Variants in SPATA13 observed in about 807,000 individuals in gnomAD.
The protein encoded by SPATA13 is spermatogenesis-associated protein 13.
In SPATA13, 50 loss-of-function variants were observed where a neutral mutation model predicts 104.0. That is an observed-to-expected ratio of 0.48 (90% confidence interval 0.38 to 0.61). The LOEUF (loss-of-function observed/expected upper bound fraction) is 0.61. SPATA13 is among the 20% of genes least tolerant of loss of function. The pLI is 0.00. For synonymous variants in SPATA13, 606 were observed against 667.5 expected, an observed-to-expected ratio of 0.91 and a Z score of 1.42; for missense variants, 1,524 against 1,690.6, an observed-to-expected ratio of 0.90 and a Z score of 1.73.
chr13:24,140,165 G>A (rs1431068668), intron 3 of SPATA13, among the ~76,000 whole-genome samples: 5 of 152,016 alleles, frequency 3.3e-5, no homozygotes, highest in Non-Finnish European at 7.4e-5. Flanking sequence ...GCCATAATAA[G>A]TTAAATCCAT....
chr13:24,130,565 G>A (rs1881362090), intron 3 of SPATA13, among the ~76,000 whole-genome samples: 1 of 152,204 alleles, frequency 6.6e-6, no homozygotes, highest in Admixed American at 6.5e-5. Context: ...ATGGGAACAA[G>A]GCGTTTATCA....
At chr13:24,251,399 C>A in intron 3 of SPATA13, 1 of 885,500 alleles carries the variant, frequency 1.1e-6, no homozygotes, top group Non-Finnish European at 1.4e-6. Flanking sequence ...ATCTGTGTGA[C>A]AACTCCACTG....
rs1882486496 is a variant in SPATA13, at chr13:24,161,405, A to G, written c.-112+473A>G. On this transcript the variant is annotated intron_variant, in intron 1 of 12. Coordinates refer to ENST00000382108, the MANE Select transcript of SPATA13 (RefSeq NM_001166271.3). The surrounding 1 kb of genome is among the most constrained non-coding windows in gnomAD (Gnocchi z 4.5). Reference sequence around the variant, plus strand: ...CGGGGACCCGGAGCGATGCGGTTGGAGAGCTTAGTTTAGAAAGCAAGTTTC... The same window carrying G: ...CGGGGACCCGGAGCGATGCGGTTGGGGAGCTTAGTTTAGAAAGCAAGTTTC... Among the ~76,000 whole-genome samples, 1 of 152,116 alleles carries G rather than the reference A, an allele frequency of 6.6e-6. No individual in the cohort carries two copies. The highest frequency in any genetic ancestry group is 1.5e-5 in the Non-Finnish European group (1 of 68,030).
intron 1 of SPATA13, among the ~76,000 whole-genome samples, chr13:24,199,460 A>G (rs573097224): frequency 5.9e-5 from 9 of 152,374 alleles, no homozygotes; most frequent in African/African-American, 2.2e-4. Flanking sequence ...GAAAAGCACT[A>G]TGATGTCTTC....
At chr13:24,039,464 G>C (rs939519335) in intron 3 of SPATA13, among the ~76,000 whole-genome samples, 1 of 152,236 alleles carries the variant, frequency 6.6e-6, no homozygotes, top group African/African-American at 2.4e-5. Context: ...AGAATGTGCA[G>C]AATCAGAATT....
intron 3 of SPATA13, among the ~76,000 whole-genome samples, chr13:24,082,633 A>G (rs1879563552): frequency 6.6e-6 from 1 of 151,336 alleles, no homozygotes; most frequent in Non-Finnish European, 1.5e-5. Context: ...ATCCTGGCTA[A>G]CAAGGTGAAA....
At chr13:24,284,420 G>A (rs1416925777) in intron 5 of SPATA13, 149 bp downstream of exon 5, 10 of 911,324 alleles carry the variant, frequency 1.1e-5, no homozygotes, top group Non-Finnish European at 1.6e-5. Flanking sequence ...ATTCACTTTG[G>A]AAGGCCAAGG....
At chr13:24,067,491 C>G (rs1031295373) in intron 3 of SPATA13, among the ~76,000 whole-genome samples, 3 of 152,094 alleles carry the variant, frequency 2.0e-5, no homozygotes, top group African/African-American at 7.2e-5. Context: ...TTGTATACAT[C>G]AAAAATACAA....
intron 1 of SPATA13, among the ~76,000 whole-genome samples, chr13:24,172,141 T>G (rs1403390774): frequency 1.3e-5 from 2 of 152,170 alleles, no homozygotes; most frequent in African/African-American, 4.8e-5. Context: ...CCACCCTGCC[T>G]TTCTCCCTGA....
Position 24,194,347 on chromosome 13 carries a change from C to T in SPATA13, c.-111-28472C>T, listed in dbSNP as rs190929633. ...GCCGTTCAATCATCCTGAGATTGCTCCTTTGCCTGGGACTTGCAAGAGTAG... is the reference window on the plus strand; with the variant it reads ...GCCGTTCAATCATCCTGAGATTGCTTCTTTGCCTGGGACTTGCAAGAGTAG... On this transcript the variant is annotated intron_variant, in intron 1 of 12. Transcript: ENST00000382108. Among the ~76,000 whole-genome samples the T allele has an allele frequency of 9.1e-4, 139 of 152,248 alleles. 1 individual carries two copies. Among genetic ancestry groups the T allele is most frequent in the Non-Finnish European group, 9.4e-4 (64 of 68,022 alleles).
chr13:24,256,196 G>GAGAATA (rs1873780162), intron 4 of SPATA13, among the ~76,000 whole-genome samples: 1 of 152,094 alleles, frequency 6.6e-6, no homozygotes, highest in African/African-American at 2.4e-5. Context: ...CTCCTCCCTG[G>GAGAATA]TCAAGTATTC....
At chr13:24,190,833 G>A (rs1008679027) in intron 1 of SPATA13, among the ~76,000 whole-genome samples, 1 of 152,182 alleles carries the variant, frequency 6.6e-6, no homozygotes, top group African/African-American at 2.4e-5. Context: ...GCAGTAGCAG[G>A]ATTTCAGAGG....
intron 1 of SPATA13, among the ~76,000 whole-genome samples, chr13:24,185,263 G>A (rs948632179): frequency 2.1e-4 from 32 of 152,132 alleles, no homozygotes; most frequent in African/African-American, 6.0e-4. Context: ...CACATGATAG[G>A]CACTCAGTGA....
intron 3 of SPATA13, among the ~76,000 whole-genome samples, chr13:24,065,730 A>T (rs778632275): frequency 6.6e-6 from 1 of 152,264 alleles, no homozygotes; most frequent in African/African-American, 2.4e-5. Context: ...TATTTATGAT[A>T]GTTTCATAGA....
chr13:24,107,190 A>G (rs769701034), intron 3 of SPATA13, among the ~76,000 whole-genome samples: 7 of 138,696 alleles, frequency 5.0e-5, no homozygotes, highest in Non-Finnish European at 9.3e-5. Context: ...GAAATGCAAG[A>G]TGATCACACA....
At chr13:24,270,537 GA>G in intron 4 of SPATA13, 1 of 408,816 alleles carries the variant, frequency 2.4e-6, no homozygotes, top group Admixed American at 3.8e-5. Flanking sequence ...TACCTTCACT[GA>G]AGGCTCTCGG....
At chr13:24,165,360 A>C (rs1407133166) in intron 1 of SPATA13, among the ~76,000 whole-genome samples, 4 of 152,178 alleles carry the variant, frequency 2.6e-5, no homozygotes, top group Admixed American at 6.5e-5. Context: ...TGTCCAATCC[A>C]GGAGAGGGGA....
rs545446617 is a variant in SPATA13, at chr13:24,245,829, T to A, written c.1654-3648T>A. ...GTCTTGAATTCCTGGGCTCAAGCAA[T>A]CCTCCTGCCTGAGCCTCCCAAAGTG... On this transcript the variant is annotated intron_variant, in intron 2 of 12. Transcript: ENST00000382108. 3.6e-3 allele frequency among the ~76,000 whole-genome samples: 543 copies of A among 152,214 alleles called. 2 individuals are homozygous for A. Among genetic ancestry groups the A allele is most frequent in the African/African-American group, 0.012 (517 of 41,518 alleles).
chr13:24,206,419 C>T (rs1248935612), intron 1 of SPATA13, among the ~76,000 whole-genome samples: 1 of 152,132 alleles, frequency 6.6e-6, no homozygotes, highest in East Asian at 1.9e-4. Context: ...ACAACAGATG[C>T]TGGCCAGGTT....
Sources: allele counts gnomAD v4.1 joint callset (sites outside exome capture counted in the v4.1 genomes callset), GRCh38; gene constraint gnomAD v4.1.1; non-coding constraint Gnocchi (gnomAD v3.1); transcripts MANE v1.5; gene names NCBI Gene and HGNC (gene_info 2026-07-23, HGNC 2026-07-21).